Variants in ADGRL3 observed in about 807,000 individuals in gnomAD.
ADGRL3 encodes calcium-independent alpha-latrotoxin receptor 3.
Under a neutral mutation model 153.5 loss-of-function variants are expected in ADGRL3, and 62 were observed. That is an observed-to-expected ratio of 0.40 (90% CI 0.33 to 0.50). The LOEUF is 0.50. ADGRL3 is among the 20% of genes least tolerant of loss of function. The pLI, the probability that ADGRL3 is intolerant of heterozygous loss-of-function variation, is 0.47. For missense variants in ADGRL3, 1,641 were observed against 1,859.4 expected (o/e 0.88, Z 2.16); for synonymous variants, 710 against 672.5 (o/e 1.06, Z -0.86).
At chr4:61,850,543 T>C (rs983907396) in intron 9 of ADGRL3, among the ~76,000 whole-genome samples, 2 of 152,204 alleles carry the variant, frequency 1.3e-5, no homozygotes, top group Non-Finnish European at 2.9e-5. Flanking sequence ...CTCCTGTGTC[T>C]AATTTCTGTA....
intron 8 of ADGRL3, among the ~76,000 whole-genome samples, chr4:61,773,981 C>T (rs2097115406): frequency 6.6e-6 from 1 of 152,272 alleles, no homozygotes; most frequent in South Asian, 2.1e-4. Flanking sequence ...CCCTTATCTG[C>T]AGTTTTGCTA....
In ADGRL3 at chr4:61,764,117, CA is replaced by C. The variant is rs374347367; in HGVS notation, c.1399+30565del. 4.5e-3 allele frequency among the ~76,000 whole-genome samples: 680 copies of C among 152,182 alleles called. 2 individuals carry two copies. The highest frequency in any genetic ancestry group is 0.021 in the Middle Eastern group (6 of 292). ...TGTAAATGTTCATTTATCTCTAAGC[CA>C]ATTTGAATAAACCATTACATAATTT... On this transcript the variant is annotated intron_variant, in intron 8 of 26. Transcript: ENST00000683033.
chr4:61,755,901 G>T (rs1275291833), intron 8 of ADGRL3, among the ~76,000 whole-genome samples: 1 of 151,986 alleles, frequency 6.6e-6, no homozygotes, highest in Non-Finnish European at 1.5e-5. Flanking sequence ...TCTTGTTTTT[G>T]TCAGGTTTGT....
intron 8 of ADGRL3, among the ~76,000 whole-genome samples, chr4:61,748,131 C>A (rs2096696609): frequency 6.6e-6 from 1 of 151,512 alleles, no homozygotes; most frequent in Admixed American, 6.6e-5. Flanking sequence ...GAATAAAATA[C>A]CTAGGAATCC....
At chr4:61,347,021 A>G (rs2095929407) in intron 1 of ADGRL3, among the ~76,000 whole-genome samples, 2 of 152,212 alleles carry the variant, frequency 1.3e-5, no homozygotes, top group African/African-American at 4.8e-5. Flanking sequence ...AGATGTTAGC[A>G]AATGCCCTAG....
intron 8 of ADGRL3, among the ~76,000 whole-genome samples, chr4:61,788,787 G>T (rs1374397240): frequency 2.0e-5 from 3 of 152,116 alleles, no homozygotes; most frequent in African/African-American, 7.2e-5. Context: ...AAAGTTTAAG[G>T]ATCTATGTAC....
chr4:61,712,965 G>C (rs1323590359), intron 6 of ADGRL3, among the ~76,000 whole-genome samples: 1 of 152,100 alleles, frequency 6.6e-6, no homozygotes, highest in African/African-American at 2.4e-5. Context: ...TCAAACATGG[G>C]GGTATGAGTG....
intron 1 of ADGRL3, among the ~76,000 whole-genome samples, chr4:61,379,933 G>C (rs1469519447): frequency 6.6e-6 from 1 of 151,960 alleles, no homozygotes; most frequent in East Asian, 1.9e-4. Context: ...TGAAAGGCTT[G>C]AGGATGTAGA....
chr4:61,928,014 G>A (rs765117883), intron 13 of ADGRL3, among the ~76,000 whole-genome samples: 11 of 150,756 alleles, frequency 7.3e-5, no homozygotes, highest in Non-Finnish European at 1.6e-4. Context: ...GAAGAAAAAT[G>A]TTTAAATGTA....
intron 19 of ADGRL3, among the ~76,000 whole-genome samples, chr4:61,988,662 T>C (rs1314824046): frequency 6.6e-6 from 1 of 152,142 alleles, no homozygotes; most frequent in Admixed American, 6.5e-5. Flanking sequence ...ATTTTTACTT[T>C]TAAAAAAATC....
chr4:61,865,599 C>G (rs530803512), intron 9 of ADGRL3, among the ~76,000 whole-genome samples: 13 of 152,252 alleles, frequency 8.5e-5, no homozygotes, highest in African/African-American at 3.1e-4. Context: ...GTGTACAGTT[C>G]CAGATGACAG....
chr4:61,877,872 T>G (rs1488822663), intron 9 of ADGRL3, among the ~76,000 whole-genome samples: 1 of 152,078 alleles, frequency 6.6e-6, no homozygotes, highest in Admixed American at 6.6e-5. Flanking sequence ...CTGGGAACAG[T>G]TCCCCCATAC....
chr4:61,453,133 G>C (rs2097694459), intron 2 of ADGRL3, among the ~76,000 whole-genome samples: 1 of 152,132 alleles, frequency 6.6e-6, no homozygotes, highest in African/African-American at 2.4e-5. Flanking sequence ...GAAACATTTT[G>C]ATTCCTGAAG....
At chr4:61,208,223 G>A (rs1453936726) in intron 1 of ADGRL3, among the ~76,000 whole-genome samples, 8 of 152,080 alleles carry the variant, frequency 5.3e-5, no homozygotes, top group Non-Finnish European at 1.2e-4. Flanking sequence ...GAGATGAACA[G>A]AAAGGGACTC....
At chr4:61,811,344 T>C (rs570547433) in intron 8 of ADGRL3, among the ~76,000 whole-genome samples, 12 of 152,146 alleles carry the variant, frequency 7.9e-5, no homozygotes, top group Admixed American at 3.9e-4. Flanking sequence ...ATGAGTTTTT[T>C]TTTAATTATG....
At chr4:61,630,872 A>G (rs1001756652) in intron 5 of ADGRL3, among the ~76,000 whole-genome samples, 3 of 152,234 alleles carry the variant, frequency 2.0e-5, no homozygotes, top group African/African-American at 7.2e-5. Context: ...ATACCATAGC[A>G]GTCATTAGGT....
chr4:61,653,913 G>A (rs559233244), intron 5 of ADGRL3, among the ~76,000 whole-genome samples: 187 of 152,200 alleles, frequency 1.2e-3, no homozygotes, highest in Middle Eastern at 3.4e-3. Context: ...GTTCTTATAG[G>A]AGTAAATACT....
At chr4:61,844,304 T>A (rs2098080402) in intron 9 of ADGRL3, among the ~76,000 whole-genome samples, 1 of 151,200 alleles carries the variant, frequency 6.6e-6, no homozygotes, top group African/African-American at 2.4e-5. Flanking sequence ...TCCCAGCACT[T>A]TGGGAGGCTG....
chr4:61,967,198 C>CT (rs538460632), intron 17 of ADGRL3, among the ~76,000 whole-genome samples: 47 of 151,948 alleles, frequency 3.1e-4, no homozygotes, highest in Admixed American at 2.9e-3. Flanking sequence ...TGTTTTCATG[C>CT]TTTTTAAGTC....
Sources: gnomAD v4.1 joint callset for allele counts (sites outside exome capture counted in the v4.1 genomes callset) on GRCh38, gnomAD v4.1.1 for gene constraint, MANE v1.5 for transcripts, NCBI Gene and HGNC (gene_info 2026-07-23, HGNC 2026-07-21) for gene names.